CHD1L: variants seen among roughly 807,000 people sequenced by gnomAD.
CHD1L encodes the protein ATP-dependent chromatin remodeler CHD1L.
Under a neutral mutation model 115.9 loss-of-function variants are expected in CHD1L, and 118 were observed. The ratio of observed to expected loss-of-function variants is 1.02; its 90% CI spans 0.88 to 1.19. CHD1L has a LOEUF of 1.19. Among genes scored for constraint, CHD1L ranks in the 50% most tolerant of loss-of-function variants. The probability of loss-of-function intolerance (pLI) is 0.00; values close to 1 mark genes in which losing one functional copy is unlikely to be tolerated. For missense variants in CHD1L, 1,179 were observed against 1,065.3 expected (o/e 1.11, Z -1.49); for synonymous variants, 411 against 387.1 (o/e 1.06, Z -0.72).
chr1:147,293,272 C>CT (rs1686260668), intron 20 of CHD1L, among the ~76,000 whole-genome samples: 1 of 151,652 alleles, frequency 6.6e-6, no homozygotes, highest in African/African-American at 2.4e-5. Flanking sequence ...ACAGGAGCCT[C>CT]TAAGATCTTT....
chr1:147,189,730 G>T, the CHD1L span, among the ~76,000 whole-genome samples: 1 of 152,162 alleles, frequency 6.6e-6, no homozygotes, highest in Admixed American at 6.5e-5. Context: ...ACTTGAGTGT[G>T]CTGTCACATG....
the CHD1L span, among the ~76,000 whole-genome samples, chr1:147,182,614 T>C: frequency 3.9e-5 from 6 of 152,174 alleles, no homozygotes; most frequent in Admixed American, 2.0e-4. Flanking sequence ...ACAGGAGTAG[T>C]TTTATATTAT....
the CHD1L span, among the ~76,000 whole-genome samples, chr1:147,177,809 T>C: frequency 1.3e-5 from 2 of 152,176 alleles, no homozygotes. Flanking sequence ...TGTAATGTGA[T>C]ATCCTGGATG....
the CHD1L span, among the ~76,000 whole-genome samples, chr1:147,183,028 T>C: frequency 6.6e-6 from 1 of 152,178 alleles, no homozygotes; most frequent in Non-Finnish European, 1.5e-5. Flanking sequence ...TAAAACCCCG[T>C]CTCTACTAAA....
chr1:147,207,246 G>C, the CHD1L span, among the ~76,000 whole-genome samples: 2 of 152,134 alleles, frequency 1.3e-5, no homozygotes, highest in Non-Finnish European at 2.9e-5. Context: ...ACTTGTGTAT[G>C]TATGCTCTAT....
At chr1:147,243,010 C>T (rs1665271500) in intron 1 of CHD1L, 180 bp downstream of exon 1, 1 of 724,288 alleles carries the variant, frequency 1.4e-6, no homozygotes, top group South Asian at 7.2e-5. Flanking sequence ...GCCACGGCCC[C>T]CGCCTGCGCG....
chr1:147,201,313 T>A, the CHD1L span: 4 of 1,614,182 alleles, frequency 2.5e-6, no homozygotes, highest in East Asian at 2.2e-5. Flanking sequence ...TTTGACGGAA[T>A]CTTCCAGAAA....
the CHD1L span, chr1:147,209,067 A>G: frequency 6.2e-7 from 1 of 1,608,160 alleles, no homozygotes; most frequent in Admixed American, 1.7e-5. Context: ...GCATGGAAGA[A>G]ATTGTTTGCT....
the CHD1L span, among the ~76,000 whole-genome samples, chr1:147,237,420 C>T: frequency 6.6e-6 from 1 of 152,108 alleles, no homozygotes; most frequent in African/African-American, 2.4e-5. Flanking sequence ...GCAGCTGCAG[C>T]TGTGCCTGAG....
the CHD1L span, chr1:147,179,125 A>T: frequency 1.6e-4 from 251 of 1,614,124 alleles, 1 homozygote; most frequent in African/African-American, 3.2e-3. Flanking sequence ...GAAGTTTGTC[A>T]TGCAGGAGGA....
At chr1:147,278,766 A>G (rs1679648029) in intron 14 of CHD1L, among the ~76,000 whole-genome samples, 1 of 152,140 alleles carries the variant, frequency 6.6e-6, no homozygotes, top group Non-Finnish European at 1.5e-5. Flanking sequence ...TAAGAATAAC[A>G]GCAGGATGAG....
At chr1:147,279,935 C>G in intron 14 of CHD1L, 91 bp from the exon 15 acceptor site, 1 of 1,315,618 alleles carries the variant, frequency 7.6e-7, no homozygotes, top group Non-Finnish European at 1.1e-6. Context: ...AGGACTGTGC[C>G]TGGTGTCGTT....
the CHD1L span, among the ~76,000 whole-genome samples, chr1:147,236,176 C>A: frequency 0.12 from 17,915 of 152,180 alleles, 1,947 homozygotes; most frequent in African/African-American, 0.29. Flanking sequence ...TCATGGCTGG[C>A]ACTGGAGAAT....
chr1:147,228,273 C>G, the CHD1L span, among the ~76,000 whole-genome samples: 1 of 147,366 alleles, frequency 6.8e-6, no homozygotes, highest in African/African-American at 2.5e-5. Flanking sequence ...GGTTTTTTGT[C>G]CTTGCAACAG....
At chr1:147,276,392 CA>C (rs1678498058) in intron 14 of CHD1L, 135 bp downstream of exon 14, 1 of 840,196 alleles carries the variant, frequency 1.2e-6, no homozygotes, top group African/African-American at 1.7e-5. Flanking sequence ...ACACCTGCCA[CA>C]GTGCTGGCTG....
At chr1:147,271,194 A>T in intron 11 of CHD1L, 189 bp downstream of exon 11, 1 of 489,970 alleles carries the variant, frequency 2.0e-6, no homozygotes, top group Non-Finnish European at 3.6e-6. Flanking sequence ...AGCAGAGAAC[A>T]GGCACGTGGG....
chr1:147,236,347 CA>C, the CHD1L span, among the ~76,000 whole-genome samples: 1 of 152,200 alleles, frequency 6.6e-6, no homozygotes, highest in Non-Finnish European at 1.5e-5. Flanking sequence ...ATGTGGCAAG[CA>C]ATGGGCATGT....
chr1:147,242,323 C>A (rs782510190), upstream of CHD1L, among the ~76,000 whole-genome samples: 2 of 152,188 alleles, frequency 1.3e-5, no homozygotes, highest in Non-Finnish European at 2.9e-5. Context: ...ACAAGTCTTA[C>A]TTCTAGAACC....
chr1:147,207,176 T>C, the CHD1L span, among the ~76,000 whole-genome samples: 1 of 152,144 alleles, frequency 6.6e-6, no homozygotes, highest in Non-Finnish European at 1.5e-5. Context: ...CAATATACAC[T>C]GAAGTATTTA....
Sources: allele counts gnomAD v4.1 joint callset (sites outside exome capture counted in the v4.1 genomes callset), GRCh38; gene constraint gnomAD v4.1.1; transcripts MANE v1.5; gene names NCBI Gene and HGNC (gene_info 2026-07-23, HGNC 2026-07-21).